Variants in VPS13B observed in about 807,000 individuals in gnomAD.
VPS13B encodes intermembrane lipid transfer protein VPS13B.
Under a neutral mutation model 426.4 loss-of-function variants are expected in VPS13B, and 285 were observed. The observed-to-expected ratio is 0.67, with a 90% CI of 0.61 to 0.74. VPS13B has a LOEUF of 0.74. Ranked by LOEUF, VPS13B falls within the 30% of genes least tolerant of loss-of-function variation. The probability of loss-of-function intolerance (pLI) is 0.00; values close to 1 mark genes in which losing one functional copy is unlikely to be tolerated. For missense variants in VPS13B, 4,537 were observed against 4,782.6 expected, an observed-to-expected ratio of 0.95 and a Z score of 1.51; for synonymous variants, 1,676 against 1,676.4, an observed-to-expected ratio of 1.00 and a Z score of 0.01.
intron 25 of VPS13B, among the ~76,000 whole-genome samples, chr8:99,488,196 T>C (rs903915350): frequency 3.9e-5 from 6 of 152,184 alleles, no homozygotes; most frequent in African/African-American, 1.4e-4. Flanking sequence ...ATTTGCTTAG[T>C]ACTATCCTGA....
At chr8:99,174,866 A>C (rs1020657049) in intron 16 of VPS13B, among the ~76,000 whole-genome samples, 1 of 152,216 alleles carries the variant, frequency 6.6e-6, no homozygotes, top group African/African-American at 2.4e-5. Flanking sequence ...ATTGAATCAT[A>C]AAATCATCCT....
intron 61 of VPS13B, among the ~76,000 whole-genome samples, chr8:99,874,613 T>C (rs914796434): frequency 2.0e-5 from 3 of 151,850 alleles, no homozygotes; most frequent in African/African-American, 7.3e-5. Flanking sequence ...TGGCTTACAA[T>C]TGCAAACTTC....
chr8:99,562,482 G>C (rs1588497824), intron 31 of VPS13B, among the ~76,000 whole-genome samples: 2 of 151,924 alleles, frequency 1.3e-5, no homozygotes, highest in Non-Finnish European at 2.9e-5. Flanking sequence ...AGTTTCCCCA[G>C]GTTGGCCAGG....
At chr8:99,530,763 A>C (rs1446728198) in intron 30 of VPS13B, among the ~76,000 whole-genome samples, 1 of 152,252 alleles carries the variant, frequency 6.6e-6, no homozygotes, top group South Asian at 2.1e-4. Context: ...TAATCTCATG[A>C]GTCAGGTATT....
intron 34 of VPS13B, among the ~76,000 whole-genome samples, chr8:99,660,320 A>G (rs962601121): frequency 1.3e-5 from 2 of 152,216 alleles, no homozygotes; most frequent in Non-Finnish European, 2.9e-5. Context: ...CTAAATAACC[A>G]TATGTTGAAT....
chr8:99,652,382 A>G (rs1829853737), intron 34 of VPS13B, among the ~76,000 whole-genome samples: 1 of 152,168 alleles, frequency 6.6e-6, no homozygotes, highest in South Asian at 2.1e-4. Flanking sequence ...AGCTAAGTGT[A>G]TGGCACAAGG....
chr8:99,449,340 G>C (rs1818075678), intron 23 of VPS13B, among the ~76,000 whole-genome samples: 1 of 152,136 alleles, frequency 6.6e-6, no homozygotes, highest in Non-Finnish European at 1.5e-5. Flanking sequence ...TGGTGTGCAT[G>C]GTGGGATGGA....
intron 19 of VPS13B, among the ~76,000 whole-genome samples, chr8:99,328,937 C>G (rs973381983): frequency 1.3e-5 from 2 of 152,114 alleles, no homozygotes; most frequent in African/African-American, 4.8e-5. Flanking sequence ...TTCTACTCCA[C>G]AATGCATTCT....
rs188995633 is a variant in VPS13B at position 99,446,459 on chromosome 8, G to A, written c.3445+3824G>A. On this transcript the variant is annotated intron_variant, in intron 23 of 61. Transcript: ENST00000357162. ...TAAAGTTTTAATATTCGAATCTTATGAGTCCTGCAAGTTTTCTGGCATAAT... is the reference window on the plus strand; with the variant it reads ...TAAAGTTTTAATATTCGAATCTTATAAGTCCTGCAAGTTTTCTGGCATAAT... Among the ~76,000 whole-genome samples the A allele has an allele frequency of 2.8e-4, 43 of 152,080 alleles. No homozygotes were observed. The East Asian group carries it at 5.0e-3, about 18-fold the overall frequency.
chr8:99,054,189 C>G (rs1843714654), intron 3 of VPS13B, among the ~76,000 whole-genome samples: 2 of 152,214 alleles, frequency 1.3e-5, no homozygotes, highest in African/African-American at 4.8e-5. Flanking sequence ...TGCATATATA[C>G]TGAGAAGTAG....
chr8:99,530,173 G>A (rs931474578), intron 30 of VPS13B, among the ~76,000 whole-genome samples: 14 of 152,018 alleles, frequency 9.2e-5, no homozygotes, highest in East Asian at 7.7e-4. Context: ...CTTAAGAATC[G>A]CATCTATTTT....
At chr8:99,249,307 G>C (rs1233086666) in intron 17 of VPS13B, among the ~76,000 whole-genome samples, 1 of 151,894 alleles carries the variant, frequency 6.6e-6, no homozygotes, top group Non-Finnish European at 1.5e-5. Context: ...TCCAGTTTTT[G>C]GCTATTACGA....
intron 33 of VPS13B, among the ~76,000 whole-genome samples, chr8:99,640,116 A>G (rs1202106697): frequency 6.6e-6 from 1 of 150,794 alleles, no homozygotes; most frequent in Non-Finnish European, 1.5e-5. Context: ...GAAAAGAAGA[A>G]GAAGCAATAC....
intron 30 of VPS13B, among the ~76,000 whole-genome samples, chr8:99,522,534 A>G (rs1252252277): frequency 6.6e-6 from 1 of 151,036 alleles, no homozygotes; most frequent in Admixed American, 6.6e-5. Context: ...CTCTTAAACA[A>G]TCTCTTTGCT....
Position 99,163,118 on chromosome 8 carries a change from G to A in VPS13B, c.2208+6375G>A, listed in dbSNP as rs528196281. Among the ~76,000 whole-genome samples the A allele has an allele frequency of 3.3e-5, 5 of 152,040 alleles. No individual in the cohort carries two copies. The South Asian group carries it at 1.0e-3, about 32-fold the overall frequency. ...GCTGACTGGTGTGTTTACAAACCTTGAGCTAGATACAGAGTGCCGATTGGT... is the reference window on the plus strand; with the variant it reads ...GCTGACTGGTGTGTTTACAAACCTTAAGCTAGATACAGAGTGCCGATTGGT... On this transcript the variant is annotated intron_variant, in intron 15 of 61. Coordinates refer to ENST00000357162, the MANE Select transcript of VPS13B (RefSeq NM_152564.5).
chr8:99,850,933 A>G (rs1816258837), intron 55 of VPS13B, among the ~76,000 whole-genome samples: 1 of 152,206 alleles, frequency 6.6e-6, no homozygotes, highest in African/African-American at 2.4e-5. Context: ...CTTGGAAAAA[A>G]AACAAAACAA....
chr8:99,604,201 G>C (rs1817641), intron 33 of VPS13B, among the ~76,000 whole-genome samples: 3,454 of 152,150 alleles, frequency 0.023, 143 homozygotes, highest in African/African-American at 0.079. Flanking sequence ...AATGGTCTTA[G>C]ATTTACAGAA....
At chr8:99,301,210 G>A (rs1300244095) in intron 19 of VPS13B, among the ~76,000 whole-genome samples, 1 of 150,734 alleles carries the variant, frequency 6.6e-6, no homozygotes, top group Admixed American at 6.6e-5. Flanking sequence ...GCAAGACCTT[G>A]TTTCAAAAAA....
At chr8:99,363,492 G>T (rs1052449257) in intron 19 of VPS13B, among the ~76,000 whole-genome samples, 1 of 151,920 alleles carries the variant, frequency 6.6e-6, no homozygotes, top group Admixed American at 6.6e-5. Flanking sequence ...ATAATTTTTT[G>T]GTTTTTCTGT....
Sources: allele counts gnomAD v4.1 joint callset (sites outside exome capture counted in the v4.1 genomes callset), GRCh38; gene constraint gnomAD v4.1.1; transcripts MANE v1.5; gene names NCBI Gene and HGNC (gene_info 2026-07-23, HGNC 2026-07-21).